TAFA5: variants seen among roughly 807,000 people sequenced by gnomAD.
TAFA5 encodes chemokine-like protein TAFA-5.
Under a neutral mutation model 15.3 loss-of-function variants are expected in TAFA5, and 6 were observed. The ratio of observed to expected loss-of-function variants is 0.39; its 90% CI spans 0.21 to 0.77. The LOEUF (loss-of-function observed/expected upper bound fraction) is 0.77, where lower values mean the gene tolerates loss of function less well. Ranked by LOEUF, TAFA5 falls within the 30% of genes least tolerant of loss-of-function variation. TAFA5 has a pLI of 0.41. For missense variants in TAFA5, 161 were observed against 193.1 expected, an observed-to-expected ratio of 0.83 and a Z score of 0.98; for synonymous variants, 103 against 80.7, an observed-to-expected ratio of 1.28 and a Z score of -1.48.
intron 1 of TAFA5, among the ~76,000 whole-genome samples, chr22:48,579,918 C>T (rs1193420238): frequency 6.6e-6 from 1 of 152,190 alleles, no homozygotes. Context: ...AACCCAGTGC[C>T]TCTTTCCTTT....
At chr22:48,547,671 G>A (rs527505979) in intron 1 of TAFA5, among the ~76,000 whole-genome samples, 6 of 152,250 alleles carry the variant, frequency 3.9e-5, no homozygotes, top group African/African-American at 9.6e-5. Context: ...TGGCAACCTC[G>A]TAAGCCAGTG....
intron 2 of TAFA5, among the ~76,000 whole-genome samples, chr22:48,690,605 T>C (rs760321496): frequency 6.6e-6 from 1 of 152,190 alleles, no homozygotes; most frequent in Non-Finnish European, 1.5e-5. Context: ...CTTATCTTTG[T>C]GGGCAATTCA....
At chr22:48,727,031 T>TACCACCC (rs1569096154) in intron 3 of TAFA5, among the ~76,000 whole-genome samples, 1 of 152,152 alleles carries the variant, frequency 6.6e-6, no homozygotes, top group African/African-American at 2.4e-5. Context: ...TGCTATCAGG[T>TACCACCC]ACATTTATCA....
chr22:48,593,674 C>G (rs947415192), intron 1 of TAFA5, among the ~76,000 whole-genome samples: 1 of 152,176 alleles, frequency 6.6e-6, no homozygotes, highest in African/African-American at 2.4e-5. Flanking sequence ...ACCGCGCGCT[C>G]GGGTGCAGTG....
At chr22:48,630,927 G>C (rs116252448) in intron 1 of TAFA5, among the ~76,000 whole-genome samples, 2 of 152,222 alleles carry the variant, frequency 1.3e-5, no homozygotes, top group Non-Finnish European at 2.9e-5. Flanking sequence ...GGAGCCCGGC[G>C]TGCGTGCTGG....
chr22:48,538,230 C>T (rs1011352486), intron 1 of TAFA5, among the ~76,000 whole-genome samples: 1 of 151,908 alleles, frequency 6.6e-6, no homozygotes, highest in Non-Finnish European at 1.5e-5. Context: ...TCGCTGCCAG[C>T]TCCTGGTTTA....
At chr22:48,724,851 C>T (rs926355255) in intron 3 of TAFA5, among the ~76,000 whole-genome samples, 62 of 152,218 alleles carry the variant, frequency 4.1e-4, no homozygotes, top group Non-Finnish European at 2.4e-4. Context: ...CTCGGTCCTG[C>T]AGAGACTCAG....
intron 1 of TAFA5, among the ~76,000 whole-genome samples, chr22:48,508,391 A>G (rs776571432): frequency 2.2e-4 from 33 of 152,310 alleles, no homozygotes; most frequent in Non-Finnish European, 4.4e-4. Context: ...CTGTGCCTGC[A>G]AAGTGTTGGG....
At chr22:48,601,297 G>A (rs966770355) in intron 1 of TAFA5, among the ~76,000 whole-genome samples, 6 of 152,212 alleles carry the variant, frequency 3.9e-5, no homozygotes, top group East Asian at 1.9e-4. Flanking sequence ...TGTATATGAC[G>A]TGTGTATATA....
At chr22:48,704,202 A>G (rs4925447) in intron 2 of TAFA5, among the ~76,000 whole-genome samples, 2,929 of 51,778 alleles carry the variant, frequency 0.057, 61 homozygotes, top group African/African-American at 0.19. Flanking sequence ...ACACACGCGC[A>G]CACACACACA....
At chr22:48,674,637 G>A (rs1202209936) in intron 2 of TAFA5, among the ~76,000 whole-genome samples, 1 of 152,042 alleles carries the variant, frequency 6.6e-6, no homozygotes, top group Non-Finnish European at 1.5e-5. Context: ...GCCTGTCCCG[G>A]AACAACACGT....
chr22:48,619,658 G>A (rs989716444), intron 1 of TAFA5, among the ~76,000 whole-genome samples: 2 of 152,214 alleles, frequency 1.3e-5, no homozygotes, highest in African/African-American at 4.8e-5. Flanking sequence ...CCAGAGGATG[G>A]CAAAGACGGG....
intron 1 of TAFA5, among the ~76,000 whole-genome samples, chr22:48,600,970 C>T (rs1443218849): frequency 6.6e-6 from 1 of 152,226 alleles, no homozygotes; most frequent in Non-Finnish European, 1.5e-5. Context: ...TCACGGTGCT[C>T]ACGTCGTTCA....
At chr22:48,708,273 T>A (rs132237) in intron 3 of TAFA5, among the ~76,000 whole-genome samples, 106,614 of 152,116 alleles carry the variant, frequency 0.7, 37,547 homozygotes, top group Middle Eastern at 0.72. Flanking sequence ...AGGGCCAGGT[T>A]CAGGTTCCGT....
intron 1 of TAFA5, among the ~76,000 whole-genome samples, chr22:48,577,564 A>C (rs1923860257): frequency 6.6e-6 from 1 of 152,180 alleles, no homozygotes; most frequent in Non-Finnish European, 1.5e-5. Flanking sequence ...TGTGGCTGGT[A>C]AGGCGCTGGG....
intron 1 of TAFA5, among the ~76,000 whole-genome samples, chr22:48,519,549 C>T (rs1227956720): frequency 6.7e-6 from 1 of 149,570 alleles, no homozygotes; most frequent in African/African-American, 2.4e-5. Flanking sequence ...AATGCAGACT[C>T]GGGGTGTGGG....
chr22:48,529,863 G>A (rs193216369), intron 1 of TAFA5, among the ~76,000 whole-genome samples: 2 of 152,182 alleles, frequency 1.3e-5, no homozygotes, highest in East Asian at 3.9e-4. Context: ...GAGTCACAGC[G>A]AGCCTGGAAG....
At chr22:48,719,145 C>T (rs969514392) in intron 3 of TAFA5, among the ~76,000 whole-genome samples, 45 of 152,320 alleles carry the variant, frequency 3.0e-4, no homozygotes, top group South Asian at 1.5e-3. Context: ...ACATTCCTCT[C>T]GCCAGGGGCC....
At chr22:48,564,153 C>G (rs554138354) in intron 1 of TAFA5, among the ~76,000 whole-genome samples, 90 of 152,366 alleles carry the variant, frequency 5.9e-4, no homozygotes, top group Admixed American at 2.0e-3. Flanking sequence ...CAGCTGGACA[C>G]ATGACCACTG....
Sources: allele counts gnomAD v4.1 joint callset (sites outside exome capture counted in the v4.1 genomes callset), GRCh38; gene constraint gnomAD v4.1.1; transcripts MANE v1.5; gene names NCBI Gene and HGNC (gene_info 2026-07-23, HGNC 2026-07-21).